The following ASPH variants were observed in gnomAD, a reference collection of about 807,000 sequenced individuals.
ASPH encodes aspartate beta-hydroxylase.
In ASPH, 100 loss-of-function variants were observed where a neutral mutation model predicts 118.4. The ratio of observed to expected loss-of-function variants is 0.84; its 90% confidence interval spans 0.72 to 1.00. The LOEUF (loss-of-function observed/expected upper bound fraction) is 1.00, where lower values mean the gene tolerates loss of function less well. Ranked by LOEUF, ASPH falls within the 50% of genes least tolerant of loss-of-function variation. ASPH has a pLI of 0.00. For missense variants in ASPH, 920 were observed against 919.5 expected, an observed-to-expected ratio of 1.00 and a Z score of -0.01; for synonymous variants, 315 against 325.6, an observed-to-expected ratio of 0.97 and a Z score of 0.35.
intron 3 of ASPH, chr8:61,665,132 C>T: frequency 3.4e-6 from 5 of 1,463,706 alleles, no homozygotes; most frequent in East Asian, 2.4e-5. Context: ...ACCAATGATA[C>T]ATTCAATGGC....
chr8:61,547,367 G>A (rs1199607936), intron 21 of ASPH, among the ~76,000 whole-genome samples: 1 of 152,258 alleles, frequency 6.6e-6, no homozygotes, highest in East Asian at 1.9e-4. Context: ...ATAGTTGCAG[G>A]GCCAGTGGTT....
At chr8:61,699,941 G>A (rs898144225) in intron 1 of ASPH, among the ~76,000 whole-genome samples, 2 of 152,196 alleles carry the variant, frequency 1.3e-5, no homozygotes, top group African/African-American at 4.8e-5. Flanking sequence ...GAAAGGTGAC[G>A]GCTACAAGGG....
intron 3 of ASPH, among the ~76,000 whole-genome samples, chr8:61,667,948 T>G (rs1193762957): frequency 6.6e-6 from 1 of 152,088 alleles, no homozygotes; most frequent in East Asian, 1.9e-4. Flanking sequence ...AATATATACA[T>G]CATAACAAAT....
chr8:61,688,460 G>A (rs530441676), intron 1 of ASPH, among the ~76,000 whole-genome samples: 4 of 152,148 alleles, frequency 2.6e-5, no homozygotes, highest in African/African-American at 9.7e-5. Flanking sequence ...GAAGGGCAAT[G>A]TGTAGTTTTA....
At chr8:61,541,552 C>G (rs1821978230) in intron 21 of ASPH, among the ~76,000 whole-genome samples, 2 of 152,128 alleles carry the variant, frequency 1.3e-5, no homozygotes, top group South Asian at 4.1e-4. Context: ...TTGAAAATTA[C>G]AATAGAAGAA....
At chr8:61,597,196 GAAAAAA>G (rs34291472) in intron 14 of ASPH, among the ~76,000 whole-genome samples, 106 of 112,804 alleles carry the variant, frequency 9.4e-4, no homozygotes, top group Non-Finnish European at 1.4e-3. Flanking sequence ...ATCCAGTCAG[GAAAAAA>G]AAAAAAAAAA....
At chr8:61,597,311 G>A (rs1395530823) in intron 14 of ASPH, among the ~76,000 whole-genome samples, 1 of 151,936 alleles carries the variant, frequency 6.6e-6, no homozygotes, top group Non-Finnish European at 1.5e-5. Context: ...GAGCTCAGGA[G>A]TTCAAGATCA....
intron 1 of ASPH, among the ~76,000 whole-genome samples, chr8:61,701,555 T>C (rs1340403215): frequency 1.3e-5 from 2 of 152,334 alleles, no homozygotes; most frequent in South Asian, 2.1e-4. Context: ...AAAGCAAATA[T>C]GTGATTGAAA....
At chr8:61,560,869 A>G (rs1227516378) in intron 18 of ASPH, among the ~76,000 whole-genome samples, 3 of 151,962 alleles carry the variant, frequency 2.0e-5, no homozygotes, top group Non-Finnish European at 4.4e-5. Flanking sequence ...ATCCTGCCCT[A>G]ACCTCAAACG....
At chr8:61,565,678 C>G (rs1377063978) in intron 17 of ASPH, among the ~76,000 whole-genome samples, 1 of 7,676 alleles carries the variant, frequency 1.3e-4, no homozygotes, top group African/African-American at 4.1e-4. Context: ...GTGATCTACA[C>G]TAAACAGCAA....
chr8:61,575,649 T>C (rs1288104401), intron 16 of ASPH, among the ~76,000 whole-genome samples: 1 of 152,190 alleles, frequency 6.6e-6, no homozygotes, highest in East Asian at 1.9e-4. Context: ...TCCACAAGAA[T>C]GTTCACTGTA....
chr8:61,578,410 C>T, intron 15 of ASPH: 3 of 1,604,434 alleles, frequency 1.9e-6, no homozygotes, highest in African/African-American at 1.3e-5. Flanking sequence ...GGAGGCATCA[C>T]CGCAGTCATG....
Position 61,584,015 on chromosome 8 carries a change from G to A in ASPH, c.991C>T (p.Pro331Ser), listed in dbSNP as rs145790464. 1 of 1,547,686 alleles carries A rather than the reference G, an allele frequency of 6.5e-7. No individual in the cohort carries two copies. Among genetic ancestry groups the A allele is most frequent in the Non-Finnish European group, 8.8e-7 (1 of 1,139,654 alleles). Reference sequence around the variant, plus strand: ...TTATCAAATTTATTTAAAAGTTTAGGCTTCTTTTTCTTAACTGAAAGAAAA... The same window carrying A: ...TTATCAAATTTATTTAAAAGTTTAGACTTCTTTTTCTTAACTGAAAGAAAA... ...EQKAKVKKKK[P>S]KLLNKFDKTI... is the part of the protein sequence containing the mutation. Residue 331 changes from proline (P) to serine (S), a missense_variant, in exon 15 of 25, where the codon CCT (proline) becomes TCT (serine). Transcript: ENST00000379454.
At chr8:61,583,059 T>C (rs1390276031) in intron 15 of ASPH, 4 of 152,146 alleles carry the variant, frequency 2.6e-5, no homozygotes, top group Non-Finnish European at 5.9e-5. Flanking sequence ...AAGTAATATT[T>C]CAAATATATC....
At chr8:61,681,766 T>C (rs909274310) in intron 2 of ASPH, among the ~76,000 whole-genome samples, 2 of 151,818 alleles carry the variant, frequency 1.3e-5, no homozygotes, top group South Asian at 4.1e-4. Context: ...CCAAAACCTT[T>C]CCTCCTGATG....
chr8:61,597,317 G>A (rs1003877531), intron 14 of ASPH, among the ~76,000 whole-genome samples: 3 of 151,896 alleles, frequency 2.0e-5, no homozygotes, highest in Non-Finnish European at 2.9e-5. Flanking sequence ...AGGAGTTCAA[G>A]ATCAGTGTGG....
At chr8:61,507,783 G>A (rs1807198412) in intron 24 of ASPH, among the ~76,000 whole-genome samples, 1 of 152,192 alleles carries the variant, frequency 6.6e-6, no homozygotes, top group Non-Finnish European at 1.5e-5. Context: ...TGTGAACAAA[G>A]CTCCATCAAA....
intron 24 of ASPH, among the ~76,000 whole-genome samples, chr8:61,507,663 T>TG: frequency 1.0e-5 from 1 of 100,150 alleles, no homozygotes; most frequent in Non-Finnish European, 2.1e-5. Context: ...GGAAAGGATG[T>TG]TTTTTTTCCA....
chr8:61,688,615 A>G (rs904220585), intron 1 of ASPH, among the ~76,000 whole-genome samples: 2 of 152,218 alleles, frequency 1.3e-5, no homozygotes, highest in African/African-American at 2.4e-5. Flanking sequence ...ATATTTACAC[A>G]TAAACTCTAC....
Sources: allele counts gnomAD v4.1 joint callset (sites outside exome capture counted in the v4.1 genomes callset), GRCh38; gene constraint gnomAD v4.1.1; transcripts MANE v1.5; gene names NCBI Gene and HGNC (gene_info 2026-07-23, HGNC 2026-07-21).